The following FRMPD3 variants were observed in gnomAD, a reference collection of about 807,000 sequenced individuals.
FRMPD3 encodes the protein FERM and PDZ domain containing 3.
A neutral mutation model predicts 97.9 loss-of-function variants in FRMPD3; 42 were observed. The observed-to-expected ratio is 0.43, with a 90% CI of 0.34 to 0.55. FRMPD3 has a LOEUF of 0.55. FRMPD3 is among the 20% of genes least tolerant of loss of function. FRMPD3 has a pLI of 0.03. For missense variants in FRMPD3, 1,303 were observed against 1,457.7 expected (o/e 0.89, Z 1.73); for synonymous variants, 577 against 581.1 (o/e 0.99, Z 0.10).
chrX:107,603,508 G>T lies in FRMPD3; in HGVS notation c.*135G>T. 9.3e-7 allele frequency: 1 copy of T among 1,071,518 alleles called. No individual in the cohort carries two copies. Among genetic ancestry groups the T allele is most frequent in the Non-Finnish European group, 1.2e-6 (1 of 822,891 alleles). 88.3% of individuals were successfully genotyped at this position (1,071,518 alleles called of 1,213,427 possible). A position where few individuals can be genotyped will look rare whatever the true frequency, so the allele number is the denominator to read the frequency against. The stretch of plus-strand genomic sequence containing the variant: ...CCAAGAGCCCATCAGTCTCCGGGGA[G>T]TGGAAACTCTCTTGATTGAGGCTCT... On this transcript the variant is annotated 3_prime_UTR_variant, in exon 15 of 15. Transcript: ENST00000683843.
At chrX:107,473,426 G>A (rs965798046) in intron 1 of FRMPD3, among the ~76,000 whole-genome samples, 4 of 110,782 alleles carry the variant, frequency 3.6e-5, no homozygotes, top group Admixed American at 2.9e-4. Context: ...TTGCCTTTGC[G>A]GGCACGGAAT....
chrX:107,480,918 A>AAG (rs1241957261), intron 1 of FRMPD3, among the ~76,000 whole-genome samples: 25 of 106,612 alleles, frequency 2.3e-4, no homozygotes, highest in Non-Finnish European at 9.7e-5. Context: ...GAAAGAAAGA[A>AAG]AGAAAGAAAG....
chrX:107,471,228 G>A (rs1016134276), intron 1 of FRMPD3, among the ~76,000 whole-genome samples: 5 of 110,841 alleles, frequency 4.5e-5, no homozygotes, highest in African/African-American at 1.7e-4. Context: ...TGCCGCAGTC[G>A]CAGTGTCTGC....
intron 1 of FRMPD3, among the ~76,000 whole-genome samples, chrX:107,517,816 A>AGAAG (rs1309888829): frequency 1.2e-5 from 1 of 83,190 alleles, no homozygotes; most frequent in Non-Finnish European, 2.2e-5. Context: ...AAGGAAAGAA[A>AGAAG]GAAGGAAGGA....
At chrX:107,463,485 C>T (rs911535462) in intron 1 of FRMPD3, among the ~76,000 whole-genome samples, 3 of 112,396 alleles carry the variant, frequency 2.7e-5, no homozygotes, top group African/African-American at 9.7e-5. Flanking sequence ...GTTGCGAGAA[C>T]TCAAAGATAA....
At chrX:107,542,083 C>G (rs1175113657) in intron 4 of FRMPD3, among the ~76,000 whole-genome samples, 1 of 112,293 alleles carries the variant, frequency 8.9e-6, no homozygotes, top group Non-Finnish European at 1.9e-5. Context: ...TTTGTGGCAC[C>G]TTGGTGGAAC....
rs1569430754 is a variant in FRMPD3, at chrX:107,600,318, C to T, written c.2279C>T (p.Ala760Val). The T allele has an allele frequency of 8.3e-7, 1 of 1,203,701 alleles. No individual in the cohort carries two copies. The highest frequency in any genetic ancestry group is 2.2e-5 in the Admixed American group (1 of 45,785). Residue 760 changes from alanine to valine, a missense_variant, in exon 15 of 15, where the codon GCC becomes GTC. By Grantham distance (64) the Ala-to-Val change is moderately conservative. Around this residue, in one of 3 missense-constraint regions of FRMPD3, gnomAD observed 535 missense variants for 618.6 expected, o/e 0.86. Coordinates refer to ENST00000683843, the MANE Select transcript of FRMPD3 (RefSeq NM_001388459.1). The stretch of plus-strand genomic sequence containing the variant: ...GTTCCTCCAGGTCTGATTGTGCTGG[C>T]CACAATCACTCCTGAATCATCGCTG... ...PPQTAGLIVLATITPESSLDS... is the reference protein window; with the variant it reads ...PPQTAGLIVLVTITPESSLDS...
At position 107,490,602 on chromosome X, in the gene FRMPD3, G is replaced by T. The variant is rs1402546534; in HGVS notation, c.-7-35980G>T. On this transcript the variant is annotated intron_variant, in intron 1 of 14. Coordinates refer to ENST00000683843, the MANE Select transcript of FRMPD3 (RefSeq NM_001388459.1). Reference sequence around the variant, plus strand: ...GTATTTTATTCTCTTTGAAGCAATTGTGAATGGGAGTTCACTCATGATTTG... The same window carrying T: ...GTATTTTATTCTCTTTGAAGCAATTTTGAATGGGAGTTCACTCATGATTTG... Among the ~76,000 whole-genome samples the T allele has an allele frequency of 2.7e-5, 3 of 111,579 alleles. No homozygotes were observed. The East Asian group carries it at 8.4e-4, about 31-fold the overall frequency.
At chrX:107,537,463 C>T (rs1305891036) in intron 4 of FRMPD3, among the ~76,000 whole-genome samples, 1 of 111,692 alleles carries the variant, frequency 9.0e-6, no homozygotes, top group Non-Finnish European at 1.9e-5. Context: ...TAGAAGTGGA[C>T]GAGTACACAC....
chrX:107,473,043 C>T (rs1038879159), intron 1 of FRMPD3, among the ~76,000 whole-genome samples: 1 of 112,270 alleles, frequency 8.9e-6, no homozygotes, highest in Non-Finnish European at 1.9e-5. Context: ...AATCAAAAAC[C>T]CTCTCTGAGT....
Position 107,601,565 on chromosome X carries a change from C to T in FRMPD3, c.3526C>T (p.Gln1176Ter), listed in dbSNP as rs755997925. The change falls in exon 15 of 15, where the codon CAG becomes TAG. Residue 1176 changes from glutamine (Q) to a stop codon, truncating the protein, a stop_gained. Coordinates refer to ENST00000683843, the MANE Select transcript of FRMPD3 (RefSeq NM_001388459.1). LOFTEE classifies it high-confidence loss of function. ...QPRGQSPLRS[Q>*]AASRQVSTMP... ...TCGAGGCCAGAGCCCACTGAGGTCT[C>T]AGGCTGCCAGCCGGCAGGTGAGCAC... 8.3e-7 allele frequency: 1 copy of T among 1,198,084 alleles called. No homozygotes were observed. The highest frequency in any genetic ancestry group is 1.1e-6 in the Non-Finnish European group (1 of 889,308).
intron 13 of FRMPD3, among the ~76,000 whole-genome samples, chrX:107,591,161 C>CTTTTTTTTTTTTTTTTTTTTT (rs1250424424): frequency 9.9e-6 from 1 of 100,869 alleles, no homozygotes; most frequent in African/African-American, 3.6e-5. Context: ...TTCTTTCTTT[C>CTTTTTTTTTTTTTTTTTTTTT]TTTTTTTTTT....
At position 107,512,069 on chromosome X, in the gene FRMPD3, ACACACT is replaced by A. The variant is rs941628496; in HGVS notation, c.-7-14500_-7-14495del. On this transcript the variant is annotated intron_variant, in intron 1 of 14. Transcript: ENST00000683843. Reference sequence around the variant, plus strand: ...CACACACACACACGCGCACACACACACACACTCACACTCACACTACAGCCTCCGGTG... The same window carrying A: ...CACACACACACACGCGCACACACACACACACTCACACTACAGCCTCCGGTG... Among the ~76,000 whole-genome samples, 10 of 108,631 alleles carry A rather than the reference ACACACT, an allele frequency of 9.2e-5. 1 individual carries two copies. The highest frequency in any genetic ancestry group is 2.9e-4 in the East Asian group (1 of 3,446). The allele number at this position is 108,631 out of a possible 115,157, so 94.3% of individuals were successfully genotyped here.
chrX:107,561,515 CA>C (rs1413459118), intron 10 of FRMPD3, among the ~76,000 whole-genome samples: 2 of 110,741 alleles, frequency 1.8e-5, no homozygotes, highest in Admixed American at 1.9e-4. Flanking sequence ...GGTGAGGGAT[CA>C]GGTTACTGCC....
chrX:107,580,574 G>A (rs770763506), intron 13 of FRMPD3, among the ~76,000 whole-genome samples: 28 of 111,510 alleles, frequency 2.5e-4, no homozygotes, highest in Non-Finnish European at 3.0e-4. Flanking sequence ...AGCCACCTTT[G>A]ATGGCAGCTT....
intron 13 of FRMPD3, among the ~76,000 whole-genome samples, chrX:107,581,419 T>C (rs1923383198): frequency 9.1e-6 from 1 of 110,332 alleles, no homozygotes; most frequent in Admixed American, 9.7e-5. Context: ...CCTTTTGCTG[T>C]TTTTTCAAAG....
rs776692086 is a variant in FRMPD3 at position 107,560,244 on chromosome X, C to G, written c.763-13C>G. 8.3e-7 allele frequency: 1 copy of G among 1,203,100 alleles called. No homozygotes were observed. The highest frequency in any genetic ancestry group is 1.8e-5 in the South Asian group (1 of 56,393). On this transcript the variant is annotated splice_polypyrimidine_tract_variant and intron_variant, in intron 8 of 14. Coordinates refer to ENST00000683843, the MANE Select transcript of FRMPD3 (RefSeq NM_001388459.1). ...TCCTTCAGCTGATAGGTTTGGACTG[C>G]CCTCTCTCACAGAGTCGGAATGATG...
intron 1 of FRMPD3, among the ~76,000 whole-genome samples, chrX:107,520,958 T>A (rs1296876799): frequency 2.7e-5 from 3 of 112,021 alleles, no homozygotes; most frequent in Non-Finnish European, 3.8e-5. Context: ...ATATTATTGT[T>A]TTCGGCACTG....
chrX:107,496,394 G>T (rs1921775355), intron 1 of FRMPD3, among the ~76,000 whole-genome samples: 1 of 111,661 alleles, frequency 9.0e-6, no homozygotes, highest in African/African-American at 3.3e-5. Flanking sequence ...AGAGTTGAGA[G>T]TGGCCATAGG....
Sources: allele counts gnomAD v4.1 joint callset (sites outside exome capture counted in the v4.1 genomes callset), GRCh38; gene constraint gnomAD v4.1.1; regional missense constraint gnomAD v4.1.1; transcripts MANE v1.5; gene names NCBI Gene and HGNC (gene_info 2026-07-23, HGNC 2026-07-21).